MEGF6: variants seen among roughly 807,000 people sequenced by gnomAD.
MEGF6 encodes multiple epidermal growth factor-like domains protein 6.
Under a neutral mutation model 207.1 loss-of-function variants are expected in MEGF6, and 184 were observed. The observed-to-expected ratio is 0.89, with a 90% confidence interval of 0.79 to 1.00. MEGF6 has a LOEUF of 1.00. Ranked by LOEUF, MEGF6 falls within the 50% of genes least tolerant of loss-of-function variation. The probability of loss-of-function intolerance (pLI) is 0.00; values close to 1 mark genes in which losing one functional copy is unlikely to be tolerated. For missense variants in MEGF6, 2,282 were observed against 2,202.9 expected (o/e 1.04, Z -0.72); for synonymous variants, 1,038 against 910.0 (o/e 1.14, Z -2.53).
intron 5 of MEGF6, among the ~76,000 whole-genome samples, chr1:3,521,139 A>G (rs1446335976): frequency 6.6e-6 from 1 of 152,096 alleles, no homozygotes; most frequent in Non-Finnish European, 1.5e-5. Flanking sequence ...GGACCCTGGC[A>G]GGCCTGGGGG....
At chr1:3,587,878 AGGAG>A (rs1385263298) in intron 3 of MEGF6, among the ~76,000 whole-genome samples, 2 of 131,656 alleles carry the variant, frequency 1.5e-5, no homozygotes, top group Non-Finnish European at 3.3e-5. Context: ...AGGAGTGGCC[AGGAG>A]TGGCCAGGAG....
intron 18 of MEGF6, 31 bp downstream of exon 18, chr1:3,501,765 A>T (rs1206035850): frequency 6.8e-6 from 11 of 1,606,052 alleles, no homozygotes; most frequent in Non-Finnish European, 9.3e-6. Context: ...CAGCCTGGGG[A>T]GGCGGAACTG....
chr1:3,521,706 C>T (rs1641753434), intron 5 of MEGF6, among the ~76,000 whole-genome samples: 1 of 152,156 alleles, frequency 6.6e-6, no homozygotes, highest in African/African-American at 2.4e-5. Context: ...CCATGCCTAT[C>T]CTGGAAACTC....
rs115887246 is a variant in MEGF6, at chr1:3,570,979, T to C, written c.481+8846A>G. Among the ~76,000 whole-genome samples, 1,050 of 151,734 alleles carry C rather than the reference T, an allele frequency of 6.9e-3. 16 individuals are homozygous for C. Among genetic ancestry groups the C allele is most frequent in the African/African-American group, 0.024 (994 of 41,320 alleles). ...GGGACACACACACCACAGCCCTATC[T>C]CCCCCTCTGAGCCGGCTCAGCACCA... On this transcript the variant is annotated intron_variant, in intron 4 of 36. Coordinates refer to ENST00000356575, the MANE Select transcript of MEGF6 (RefSeq NM_001409.4).
At chr1:3,499,010 C>A in intron 24 of MEGF6, 128 bp downstream of exon 24, 3 of 1,434,064 alleles carry the variant, frequency 2.1e-6, no homozygotes, top group East Asian at 2.5e-5. Flanking sequence ...AGGTGAAAGG[C>A]ACGGTCCTCA....
At position 3,601,524 on chromosome 1, in the gene MEGF6, T is replaced by TACTG. The variant is rs1296615163; in HGVS notation, c.266+938_266+941dup. 1.4e-4 allele frequency among the ~76,000 whole-genome samples: 21 copies of TACTG among 152,306 alleles called. No individual in the cohort carries two copies. In the East Asian group the frequency reaches 3.9e-3, roughly 28 times the overall value. ...GATCCCTGAACCTCAGCCCTCCTGG[T>TACTG]ACTGGGCCGGGTCGTCTGTTCGGGG... On this transcript the variant is annotated intron_variant, in intron 2 of 36. Transcript: ENST00000356575.
At chr1:3,510,276 G>T (rs938155064) in intron 10 of MEGF6, among the ~76,000 whole-genome samples, 1 of 152,156 alleles carries the variant, frequency 6.6e-6, no homozygotes, top group Non-Finnish European at 1.5e-5. Flanking sequence ...CCAGGAGAGA[G>T]CGGCCAGTGA....
chr1:3,500,860 A>G, intron 20 of MEGF6, 96 bp from the exon 21 acceptor site: 1 of 1,595,068 alleles, frequency 6.3e-7, no homozygotes, highest in Non-Finnish European at 8.5e-7. Context: ...GACTGGGGCA[A>G]GGCCTCCTGC....
At chr1:3,623,907 TG>T in the MEGF6 span, among the ~76,000 whole-genome samples, 2 of 152,180 alleles carry the variant, frequency 1.3e-5, no homozygotes, top group African/African-American at 4.8e-5. Flanking sequence ...AGCTGCCGCG[TG>T]GGAGGCGCCA....
At chr1:3,574,039 A>G (rs1326788635) in intron 4 of MEGF6, among the ~76,000 whole-genome samples, 1 of 151,848 alleles carries the variant, frequency 6.6e-6, no homozygotes, top group Non-Finnish European at 1.5e-5. Flanking sequence ...TCCAGCCCAC[A>G]CCCGAGAGGC....
chr1:3,592,716 C>A (rs1643999473), intron 3 of MEGF6, among the ~76,000 whole-genome samples: 1 of 152,338 alleles, frequency 6.6e-6, no homozygotes, highest in East Asian at 1.9e-4. Flanking sequence ...CCACCGCCCC[C>A]CTCACTTGCT....
chr1:3,622,326 C>T, the MEGF6 span, among the ~76,000 whole-genome samples: 1 of 152,168 alleles, frequency 6.6e-6, no homozygotes, highest in Non-Finnish European at 1.5e-5. Flanking sequence ...CATCCCACTA[C>T]CCCCGCCGCC....
At chr1:3,586,403 A>G (rs919763539) in intron 3 of MEGF6, among the ~76,000 whole-genome samples, 2 of 152,150 alleles carry the variant, frequency 1.3e-5, no homozygotes, top group Non-Finnish European at 2.9e-5. Flanking sequence ...GTGTGTGCCA[A>G]TCTGTGCAAG....
At chr1:3,534,488 ACT>A (rs930142767) in intron 4 of MEGF6, among the ~76,000 whole-genome samples, 1 of 151,950 alleles carries the variant, frequency 6.6e-6, no homozygotes, top group Non-Finnish European at 1.5e-5. Flanking sequence ...CTGTGGAAAC[ACT>A]CTGTGCCTCA....
At chr1:3,524,347 C>G in intron 4 of MEGF6, 101 bp from the exon 5 acceptor site, 2 of 1,492,406 alleles carry the variant, frequency 1.3e-6, no homozygotes, top group South Asian at 2.5e-5. Context: ...AGGTCCCTCC[C>G]GTGCCTCGAG....
Position 3,595,348 on chromosome 1 carries a change from G to A in MEGF6, c.366C>T (p.Gly122=), listed in dbSNP as rs1240603705. ...GCAGGCGGCACTCACCCGAGAGGCA[G>A]CCCTCCTCGTCGGGCTGCTGCATCC... ...RGWMQQPDEE[G]CLSAECSASL... Residue 122 remains glycine (G), a synonymous_variant, in exon 3 of 37, where the codon GGC becomes GGT. Transcript: ENST00000356575. The A allele has an allele frequency of 6.2e-7, 1 of 1,611,718 alleles. No individual in the cohort carries two copies. The highest frequency in any genetic ancestry group is 2.2e-5 in the East Asian group (1 of 44,844).
rs1160080539 is a variant in MEGF6, at chr1:3,561,915, AAAGG to A, written c.481+17906_481+17909del. 1.9e-4 allele frequency among the ~76,000 whole-genome samples: 29 copies of A among 152,372 alleles called. 1 individual carries two copies. The Middle Eastern group carries it at 0.014, about 71-fold the overall frequency. On this transcript the variant is annotated intron_variant, in intron 4 of 36. Transcript: ENST00000356575. ...TTCCCAGAAAACAAGACAAAATGTC[AAAGG>A]AAGGAAGCCAAGAACATTCCTTGGT...
intron 30 of MEGF6, among the ~76,000 whole-genome samples, chr1:3,495,009 C>T (rs75961698): frequency 0.026 from 3,909 of 152,276 alleles, 90 homozygotes; most frequent in East Asian, 0.056. Context: ...GCCTGCCCAG[C>T]CTGCAGGAAG....
intron 5 of MEGF6, among the ~76,000 whole-genome samples, chr1:3,519,197 G>A (rs529743096): frequency 6.6e-6 from 1 of 151,946 alleles, no homozygotes; most frequent in African/African-American, 2.4e-5. Flanking sequence ...CCTGCCCAGC[G>A]CCCGCCTTTC....
Sources: allele counts gnomAD v4.1 joint callset (sites outside exome capture counted in the v4.1 genomes callset), GRCh38; gene constraint gnomAD v4.1.1; transcripts MANE v1.5; gene names NCBI Gene and HGNC (gene_info 2026-07-23, HGNC 2026-07-21).